The following CSMD1 variants were observed in gnomAD, a reference collection of about 807,000 sequenced individuals.
CSMD1 encodes CUB and sushi domain-containing protein 1.
CSMD1 carries 213 observed loss-of-function variants against 417.5 expected under a neutral mutation model. That is an observed-to-expected ratio of 0.51 (90% CI 0.46 to 0.57). CSMD1 has a LOEUF of 0.57. Ranked by LOEUF, CSMD1 falls within the 20% of genes least tolerant of loss-of-function variation. The pLI, the probability that CSMD1 is intolerant of heterozygous loss-of-function variation, is 0.00. For synonymous variants in CSMD1, 2,862 were observed against 1,736.8 expected, an observed-to-expected ratio of 1.65 and a Z score of -16.11; for missense variants, 6,923 against 4,529.7, an observed-to-expected ratio of 1.53 and a Z score of -15.17.
intron 11 of CSMD1, among the ~76,000 whole-genome samples, chr8:3,486,447 A>T (rs1232523167): frequency 6.6e-6 from 1 of 152,216 alleles, no homozygotes; most frequent in Non-Finnish European, 1.5e-5. Flanking sequence ...AACAATAAAA[A>T]TCTTTAAATG....
intron 12 of CSMD1, among the ~76,000 whole-genome samples, chr8:3,458,054 T>A (rs1007916016): frequency 5.3e-5 from 8 of 152,190 alleles, no homozygotes; most frequent in African/African-American, 1.9e-4. Context: ...GAGACTAAAA[T>A]ACAGATTGGA....
At chr8:4,907,411 A>T (rs1805361021) in intron 1 of CSMD1, among the ~76,000 whole-genome samples, 1 of 152,240 alleles carries the variant, frequency 6.6e-6, no homozygotes, top group Non-Finnish European at 1.5e-5. Flanking sequence ...AATTACTGCA[A>T]ATAGGACATT....
At chr8:3,336,183 T>G (rs1451444102) in intron 23 of CSMD1, among the ~76,000 whole-genome samples, 1 of 152,128 alleles carries the variant, frequency 6.6e-6, no homozygotes, top group Non-Finnish European at 1.5e-5. Flanking sequence ...CTGTGGGGTT[T>G]TCATCAGTAT....
chr8:3,840,734 C>T (rs935240452), intron 5 of CSMD1, among the ~76,000 whole-genome samples: 12 of 144,208 alleles, frequency 8.3e-5, no homozygotes, highest in African/African-American at 1.6e-4. Flanking sequence ...CTGGCTCTGT[C>T]GTGTAGGCTG....
chr8:4,827,557 GC>G (rs1461539653), intron 1 of CSMD1, among the ~76,000 whole-genome samples: 1 of 152,010 alleles, frequency 6.6e-6, no homozygotes, highest in Non-Finnish European at 1.5e-5. Flanking sequence ...TTCAAACAAG[GC>G]TTTGTTTATC....
chr8:4,814,056 G>T (rs1275945349), intron 1 of CSMD1, among the ~76,000 whole-genome samples: 1 of 152,166 alleles, frequency 6.6e-6, no homozygotes, highest in Admixed American at 6.5e-5. Context: ...GTACAGTTTT[G>T]ATGGCAATAA....
intron 10 of CSMD1, among the ~76,000 whole-genome samples, chr8:3,533,359 G>C (rs721748): frequency 0.37 from 56,491 of 151,908 alleles, 12,682 homozygotes; most frequent in East Asian, 0.63. Context: ...TCTTACATAA[G>C]AGAACTTTAT....
intron 5 of CSMD1, among the ~76,000 whole-genome samples, chr8:3,984,819 G>C (rs1222004751): frequency 1.3e-5 from 2 of 148,322 alleles, no homozygotes; most frequent in Non-Finnish European, 3.0e-5. Context: ...CAAAAAACTA[G>C]AGGGAATGGA....
rs1463829167 is a variant in CSMD1 at position 4,956,497 on chromosome 8, A to G, written c.85+37835T>C. 5.4e-5 allele frequency among the ~76,000 whole-genome samples: 8 copies of G among 147,098 alleles called. No homozygotes were observed. In the East Asian group the frequency reaches 1.6e-3, roughly 30 times the overall value. On this transcript the variant is annotated intron_variant, in intron 1 of 69. Transcript: ENST00000635120. ...ATAAAATGCATATGTGTATAAAAAT[A>G]TATGTTATCATATACACACGTATTT...
At chr8:3,719,385 AG>A (rs1802017492) in intron 6 of CSMD1, among the ~76,000 whole-genome samples, 1 of 152,192 alleles carries the variant, frequency 6.6e-6, no homozygotes, top group Non-Finnish European at 1.5e-5. Flanking sequence ...TGTTAAAAGA[AG>A]GGCTTGAATT....
At chr8:4,686,725 T>C (rs766972159) in intron 1 of CSMD1, among the ~76,000 whole-genome samples, 16 of 152,206 alleles carry the variant, frequency 1.1e-4, no homozygotes, top group Non-Finnish European at 2.2e-4. Flanking sequence ...TTTAACTATT[T>C]TGTCATGGGG....
At chr8:4,945,658 G>C (rs114327377) in intron 1 of CSMD1, among the ~76,000 whole-genome samples, 2 of 152,046 alleles carry the variant, frequency 1.3e-5, no homozygotes, top group Non-Finnish European at 2.9e-5. Context: ...ATTAGTTTTG[G>C]GAAAGGAGAC....
At chr8:3,973,097 G>A (rs996768651) in intron 5 of CSMD1, among the ~76,000 whole-genome samples, 1 of 152,132 alleles carries the variant, frequency 6.6e-6, no homozygotes, top group South Asian at 2.1e-4. Context: ...CCTAATTTTT[G>A]CAAGCCTGCT....
At chr8:3,963,329 T>C (rs1020637485) in intron 5 of CSMD1, among the ~76,000 whole-genome samples, 3 of 152,208 alleles carry the variant, frequency 2.0e-5, no homozygotes, top group African/African-American at 7.2e-5. Context: ...GATAAGCCAA[T>C]TAAATATGTT....
rs540656476 is a variant in CSMD1 at position 4,917,605 on chromosome 8, G to C, written c.85+76727C>G. ...GCCGAGATCATGCCACTGCACTCCA[G>C]CCTGGGCGACAGAGCGAGACTCCGT... is the stretch of plus-strand genomic sequence containing the variant. On this transcript the variant is annotated intron_variant, in intron 1 of 69. Coordinates refer to ENST00000635120, the MANE Select transcript of CSMD1 (RefSeq NM_033225.6). Among the ~76,000 whole-genome samples, 121 of 152,262 alleles carry C rather than the reference G, an allele frequency of 7.9e-4. 1 individual carries two copies. The highest frequency in any genetic ancestry group is 6.8e-3 in the Middle Eastern group (2 of 294).
intron 49 of CSMD1, among the ~76,000 whole-genome samples, chr8:3,053,779 G>C (rs1234458672): frequency 6.6e-6 from 1 of 152,152 alleles, no homozygotes; most frequent in Non-Finnish European, 1.5e-5. Context: ...AGCAGGCAGA[G>C]GGTGACATTT....
intron 1 of CSMD1, among the ~76,000 whole-genome samples, chr8:4,817,627 C>T (rs1167138068): frequency 6.6e-6 from 1 of 152,160 alleles, no homozygotes; most frequent in Admixed American, 6.5e-5. Flanking sequence ...TCAAAGGAAA[C>T]AATTTAATAA....
intron 4 of CSMD1, among the ~76,000 whole-genome samples, chr8:4,017,901 C>A (rs1009288959): frequency 1.3e-5 from 2 of 152,116 alleles, no homozygotes; most frequent in Admixed American, 6.5e-5. Context: ...GGCTAATCAT[C>A]ACGGTATTTC....
chr8:4,772,977 A>G (rs556560107), intron 1 of CSMD1, among the ~76,000 whole-genome samples: 2 of 152,320 alleles, frequency 1.3e-5, no homozygotes, highest in South Asian at 2.1e-4. Flanking sequence ...TTAAAGATAC[A>G]TGGATGAGTA....
Sources: allele counts gnomAD v4.1 joint callset (sites outside exome capture counted in the v4.1 genomes callset), GRCh38; gene constraint gnomAD v4.1.1; transcripts MANE v1.5; gene names NCBI Gene and HGNC (gene_info 2026-07-23, HGNC 2026-07-21).